The following PPP2R2C variants were observed in gnomAD, a reference collection of about 807,000 sequenced individuals.
The protein encoded by PPP2R2C is protein phosphatase 2 regulatory subunit Bgamma.
In PPP2R2C, 10 loss-of-function variants were observed where a neutral mutation model predicts 45.3. That is an observed-to-expected ratio of 0.22 (90% CI 0.14 to 0.37). The LOEUF is 0.37. PPP2R2C is among the 10% of genes least tolerant of loss of function. The pLI is 1.00. For synonymous variants in PPP2R2C, 257 were observed against 245.4 expected, an observed-to-expected ratio of 1.05 and a Z score of -0.44; for missense variants, 308 against 619.7, an observed-to-expected ratio of 0.50 and a Z score of 5.34.
chr4:6,497,097 CA>C (rs1392676239), intron 2 of PPP2R2C, among the ~76,000 whole-genome samples: 17 of 152,044 alleles, frequency 1.1e-4, no homozygotes, highest in South Asian at 2.1e-4. Flanking sequence ...CACACCTGAG[CA>C]GCAGTCATTC....
intron 5 of PPP2R2C, chr4:6,349,740 A>G (rs1577092536): frequency 3.8e-6 from 2 of 527,804 alleles, no homozygotes; most frequent in South Asian, 2.0e-4. Flanking sequence ...CATCTCTACT[A>G]AAAAAAAATT....
chr4:6,470,724 A>G (rs1156620117), intron 1 of PPP2R2C, among the ~76,000 whole-genome samples: 3 of 152,176 alleles, frequency 2.0e-5, no homozygotes, highest in African/African-American at 7.2e-5. Context: ...TCGCCGAAGC[A>G]GGCGACAAAG....
At chr4:6,462,267 G>T (rs377156588) in intron 1 of PPP2R2C, among the ~76,000 whole-genome samples, 5 of 152,174 alleles carry the variant, frequency 3.3e-5, no homozygotes, top group African/African-American at 1.2e-4. Flanking sequence ...CTGAGGTCAG[G>T]AGTTCAAGAC....
intron 1 of PPP2R2C, among the ~76,000 whole-genome samples, chr4:6,443,768 C>T (rs574927343): frequency 1.3e-5 from 2 of 152,242 alleles, no homozygotes; most frequent in East Asian, 1.9e-4. Context: ...ATTCCCTCCC[C>T]ACCCCACCGC....
chr4:6,544,973 C>T (rs1208263751), intron 1 of PPP2R2C, among the ~76,000 whole-genome samples: 1 of 151,958 alleles, frequency 6.6e-6, no homozygotes, highest in East Asian at 1.9e-4. Flanking sequence ...TTATAATTTC[C>T]TCAGGATAAA....
chr4:6,351,940 T>C (rs1440650727), intron 5 of PPP2R2C, among the ~76,000 whole-genome samples: 1 of 152,128 alleles, frequency 6.6e-6, no homozygotes, highest in Non-Finnish European at 1.5e-5. Flanking sequence ...AGGAATTAAT[T>C]ACCAAGTGGG....
rs1005820568 is a variant in PPP2R2C, at chr4:6,368,960, G to A, written c.625+3563C>T. 1.3e-5 allele frequency among the ~76,000 whole-genome samples: 2 copies of A among 152,186 alleles called. No individual in the cohort carries two copies. The highest frequency in any genetic ancestry group is 4.8e-5 in the African/African-American group (2 of 41,446). ...GGAAGTCGGCACAGCCTCCAGTAAT[G>A]TAATATAGATGCAGACGGGGAGACA... On this transcript the variant is annotated intron_variant, in intron 5 of 8. Coordinates refer to ENST00000382599, the MANE Select transcript of PPP2R2C (RefSeq NM_020416.4). The surrounding 1 kb of genome is among the most constrained non-coding windows in gnomAD (Gnocchi z 4.2).
intron 1 of PPP2R2C, among the ~76,000 whole-genome samples, chr4:6,469,887 C>T (rs74988651): frequency 0.045 from 6,795 of 152,258 alleles, 475 homozygotes; most frequent in East Asian, 0.35. Context: ...TCTCTGCATC[C>T]GCAGCACCTG....
chr4:6,512,140 A>G (rs1174155543), intron 2 of PPP2R2C, among the ~76,000 whole-genome samples: 41 of 11,412 alleles, frequency 3.6e-3, no homozygotes, highest in Admixed American at 4.3e-3. Flanking sequence ...GGTGGTGATT[A>G]TGGTGGTAGT....
intron 1 of PPP2R2C, among the ~76,000 whole-genome samples, chr4:6,443,043 C>T (rs970570686): frequency 1.3e-5 from 2 of 152,190 alleles, no homozygotes; most frequent in African/African-American, 4.8e-5. Context: ...TGCCCACCTC[C>T]CATTTCCGTC....
rs191905152 is a variant in PPP2R2C, at chr4:6,372,739, G to C, written c.448-39C>G. ...GGAGGCAGGGAAGAGGTGAAGGCCA[G>C]GTGGTGGCATCAGGACATAGCATGC... On this transcript the variant is annotated intron_variant, in intron 4 of 8. Transcript: ENST00000382599. The C allele has an allele frequency of 5.7e-4, 914 of 1,600,536 alleles. 4 individuals are homozygous for C. In the African/African-American group the frequency reaches 0.011, roughly 20 times the overall value.
At chr4:6,338,512 AG>A (rs1449247091) in intron 6 of PPP2R2C, among the ~76,000 whole-genome samples, 2 of 152,166 alleles carry the variant, frequency 1.3e-5, no homozygotes, top group African/African-American at 2.4e-5. Context: ...GCCTGAGAGC[AG>A]GTGCCCACCT....
chr4:6,542,662 C>G (rs1250131663), intron 1 of PPP2R2C, among the ~76,000 whole-genome samples: 1 of 149,690 alleles, frequency 6.7e-6, no homozygotes, highest in Non-Finnish European at 1.5e-5. Flanking sequence ...CAAGATCACA[C>G]CACTGAACTC....
rs6813643 is a variant in PPP2R2C at position 6,387,892 on chromosome 4, T to G, written c.71-6798A>C. On this transcript the variant is annotated intron_variant, in intron 1 of 8. Transcript: ENST00000382599. ...GACCAGCACTTTCATCTCAGAACAA[T>G]CCCATCGACCAATTATCATTCCTTA... is the stretch of plus-strand genomic sequence containing the variant. Among the ~76,000 whole-genome samples, 1,072 of 151,842 alleles carry G rather than the reference T, an allele frequency of 7.1e-3. 14 individuals carry two copies. Among genetic ancestry groups the G allele is most frequent in the African/African-American group, 0.025 (1,029 of 41,394 alleles).
At position 6,511,000 on chromosome 4, in the gene PPP2R2C, A is replaced by C. The variant is rs1053912182; in HGVS notation, c.49+24271T>G. Among the ~76,000 whole-genome samples the C allele has an allele frequency of 9.3e-5, 14 of 150,066 alleles. 1 individual carries two copies. The highest frequency in any genetic ancestry group is 6.6e-5 in the Admixed American group (1 of 15,144). On this transcript the variant is annotated intron_variant, in intron 2 of 9. Transcript: ENST00000506140. ...TCAAACAAAAAAAAACAAACAAACA[A>C]AAAAAAAAACAGAAAATGTTTGTTG...
intron 1 of PPP2R2C, among the ~76,000 whole-genome samples, chr4:6,536,014 C>T (rs13149326): frequency 0.28 from 42,466 of 152,048 alleles, 7,113 homozygotes; most frequent in Admixed American, 0.36. Context: ...GTGTTAGTCC[C>T]GCACCACCCC....
intron 2 of PPP2R2C, among the ~76,000 whole-genome samples, chr4:6,478,054 C>T (rs1722224260): frequency 6.6e-6 from 1 of 152,218 alleles, no homozygotes; most frequent in Admixed American, 6.5e-5. Context: ...CGTCTCCAGC[C>T]AACTCCCTGT....
intron 1 of PPP2R2C, among the ~76,000 whole-genome samples, chr4:6,551,676 T>G: frequency 6.6e-6 from 1 of 152,222 alleles, no homozygotes; most frequent in East Asian, 1.9e-4. Flanking sequence ...TGGGCTGCCA[T>G]GCTGGACAAG....
chr4:6,347,754 C>T (rs2109224716), intron 6 of PPP2R2C, 92 bp downstream of exon 6: 41 of 1,448,294 alleles, frequency 2.8e-5, no homozygotes, highest in Middle Eastern at 2.4e-4. Context: ...ATCCCACACC[C>T]ACCACCCCTG....
Sources: gnomAD v4.1 joint callset for allele counts (sites outside exome capture counted in the v4.1 genomes callset) on GRCh38, gnomAD v4.1.1 for gene constraint, Gnocchi (gnomAD v3.1) non-coding constraint, MANE v1.5 for transcripts, NCBI Gene and HGNC (gene_info 2026-07-23, HGNC 2026-07-21) for gene names.